Variants in PALLD observed in about 807,000 individuals in gnomAD.
PALLD encodes the protein palladin, cytoskeletal associated protein.
PALLD carries 61 observed loss-of-function variants against 123.5 expected under a neutral mutation model. That is an observed-to-expected ratio of 0.49 (90% CI 0.40 to 0.61). The LOEUF is 0.61. Ranked by LOEUF, PALLD falls within the 20% of genes least tolerant of loss-of-function variation. The probability of loss-of-function intolerance (pLI) is 0.00; values close to 1 mark genes in which losing one functional copy is unlikely to be tolerated. For missense variants in PALLD, 1,273 were observed against 1,377.0 expected (o/e 0.92, Z 1.20); for synonymous variants, 465 against 496.4 (o/e 0.94, Z 0.84).
intron 2 of PALLD, among the ~76,000 whole-genome samples, chr4:168,645,006 C>T (rs375655368): frequency 6.6e-6 from 1 of 150,830 alleles, no homozygotes; most frequent in East Asian, 1.9e-4. Context: ...GAAGCTGAGG[C>T]ATGAGAATTG....
At chr4:168,878,090 C>T (rs1060502975) in intron 10 of PALLD, 1 of 1,444,080 alleles carries the variant, frequency 6.9e-7, no homozygotes, top group Admixed American at 2.7e-5. Context: ...CGCCCCCGTG[C>T]CGCCCTTCGC....
At chr4:168,810,377 G>A (rs931621150) in intron 10 of PALLD, among the ~76,000 whole-genome samples, 4 of 152,164 alleles carry the variant, frequency 2.6e-5, no homozygotes, top group Non-Finnish European at 4.4e-5. Flanking sequence ...AAGATAGGCT[G>A]AGCATGGTGG....
intron 10 of PALLD, among the ~76,000 whole-genome samples, chr4:168,866,659 A>T (rs865790494): frequency 6.6e-6 from 1 of 152,228 alleles, no homozygotes; most frequent in Non-Finnish European, 1.5e-5. Context: ...AGTTGATGGT[A>T]CTTACACTGA....
chr4:168,805,485 C>G (rs1740051593), intron 10 of PALLD, among the ~76,000 whole-genome samples: 1 of 152,176 alleles, frequency 6.6e-6, no homozygotes, highest in Non-Finnish European at 1.5e-5. Flanking sequence ...TCGGTCCAAT[C>G]CGATGCTTAA....
chr4:168,913,279 G>T lies in PALLD; in HGVS notation c.2623-648G>T, dbSNP rs531682480. On this transcript the variant is annotated intron_variant, in intron 15 of 21. Transcript: ENST00000505667. Reference sequence around the variant, plus strand: ...AGCCTCCCAAGTAGCTGGGACTATAGGTGCATGCCACCACGCCCGGCTAAT... The same window carrying T: ...AGCCTCCCAAGTAGCTGGGACTATATGTGCATGCCACCACGCCCGGCTAAT... 2.6e-4 allele frequency among the ~76,000 whole-genome samples: 39 copies of T among 151,914 alleles called. No homozygotes were observed. The East Asian group carries it at 7.0e-3, about 27-fold the overall frequency.
At chr4:168,705,526 C>T (rs1784142531) in intron 8 of PALLD, among the ~76,000 whole-genome samples, 1 of 152,178 alleles carries the variant, frequency 6.6e-6, no homozygotes, top group Non-Finnish European at 1.5e-5. Context: ...ACCGTTTGTT[C>T]TTATTGTTCT....
chr4:168,721,631 T>C (rs1466727325), intron 10 of PALLD, among the ~76,000 whole-genome samples: 1 of 152,228 alleles, frequency 6.6e-6, no homozygotes, highest in Non-Finnish European at 1.5e-5. Context: ...TACAAAGTAT[T>C]ATTTTAAAAT....
At chr4:168,865,129 C>T (rs532349428) in intron 10 of PALLD, among the ~76,000 whole-genome samples, 1 of 152,252 alleles carries the variant, frequency 6.6e-6, no homozygotes, top group Non-Finnish European at 1.5e-5. Flanking sequence ...GTGCTGCCCC[C>T]TGAGGGGAAA....
chr4:168,719,511 T>C (rs988738068), intron 10 of PALLD, among the ~76,000 whole-genome samples: 3 of 152,112 alleles, frequency 2.0e-5, no homozygotes, highest in East Asian at 1.9e-4. Context: ...CTGCCCGCCT[T>C]GGCCTCCTCA....
At chr4:168,771,073 A>AC (rs1033433925) in intron 10 of PALLD, among the ~76,000 whole-genome samples, 2 of 38,280 alleles carry the variant, frequency 5.2e-5, no homozygotes, top group African/African-American at 1.6e-4. Context: ...AAAAAAAAAA[A>AC]AACAAAAAAA....
chr4:168,856,538 C>T (rs932584809), intron 10 of PALLD, among the ~76,000 whole-genome samples: 1 of 152,192 alleles, frequency 6.6e-6, no homozygotes, highest in Non-Finnish European at 1.5e-5. Context: ...AATAGCCATT[C>T]TGACTGGTGT....
chr4:168,680,257 C>G (rs1279059679), intron 3 of PALLD, among the ~76,000 whole-genome samples: 1 of 151,258 alleles, frequency 6.6e-6, no homozygotes, highest in Non-Finnish European at 1.5e-5. Flanking sequence ...GTGGGCAGAT[C>G]ACTTGAGGTC....
At chr4:168,624,124 C>T (rs554324120) in intron 2 of PALLD, among the ~76,000 whole-genome samples, 28 of 151,748 alleles carry the variant, frequency 1.8e-4, no homozygotes, top group African/African-American at 6.8e-4. Flanking sequence ...GGTCACAATG[C>T]AATAAAACAA....
intron 10 of PALLD, among the ~76,000 whole-genome samples, chr4:168,827,222 T>C (rs936440569): frequency 2.0e-5 from 3 of 152,226 alleles, no homozygotes; most frequent in Non-Finnish European, 4.4e-5. Context: ...TCTTTACCAA[T>C]AGGATAGATG....
intron 10 of PALLD, among the ~76,000 whole-genome samples, chr4:168,809,680 A>G (rs1253421381): frequency 6.6e-6 from 1 of 152,170 alleles, no homozygotes; most frequent in Non-Finnish European, 1.5e-5. Context: ...CCTGGTCAAC[A>G]TGGTGAAGCC....
At chr4:168,664,844 T>G (rs1779478607) in intron 2 of PALLD, among the ~76,000 whole-genome samples, 1 of 152,062 alleles carries the variant, frequency 6.6e-6, no homozygotes, top group South Asian at 2.1e-4. Flanking sequence ...CAGCATAGTT[T>G]CTGGCCAGTA....
chr4:168,571,990 G>T (rs558819886), intron 2 of PALLD, among the ~76,000 whole-genome samples: 1 of 152,244 alleles, frequency 6.6e-6, no homozygotes, highest in East Asian at 1.9e-4. Flanking sequence ...ACTTTGGGAG[G>T]CCGAGGCGGA....
intron 2 of PALLD, chr4:168,598,727 T>G (rs1772242729): frequency 4.9e-6 from 2 of 410,282 alleles, no homozygotes; most frequent in South Asian, 3.9e-5. Flanking sequence ...TTGCCTCCTA[T>G]CTGGACCTGA....
chr4:168,878,705 CATTT>C (rs1752206582), intron 10 of PALLD, among the ~76,000 whole-genome samples: 1 of 146,372 alleles, frequency 6.8e-6, no homozygotes, highest in Non-Finnish European at 1.5e-5. Flanking sequence ...GCTTAGCTAT[CATTT>C]ATTGAGCACT....
Sources: gnomAD v4.1 joint callset for allele counts (sites outside exome capture counted in the v4.1 genomes callset) on GRCh38, gnomAD v4.1.1 for gene constraint, MANE v1.5 for transcripts, NCBI Gene and HGNC (gene_info 2026-07-23, HGNC 2026-07-21) for gene names.